The following PDE4D variants were observed in gnomAD, a reference collection of about 807,000 sequenced individuals.
PDE4D encodes the protein 3',5'-cyclic-AMP phosphodiesterase 4D.
PDE4D carries 24 observed loss-of-function variants against 87.4 expected under a neutral mutation model. The observed-to-expected ratio is 0.27, with a 90% CI of 0.20 to 0.39. The LOEUF (loss-of-function observed/expected upper bound fraction) is 0.39, where lower values mean the gene tolerates loss of function less well. Ranked by LOEUF, PDE4D falls within the 10% of genes least tolerant of loss-of-function variation. The probability of loss-of-function intolerance (pLI) is 1.00; values close to 1 mark genes in which losing one functional copy is unlikely to be tolerated. For missense variants in PDE4D, 714 were observed against 1,041.0 expected, an observed-to-expected ratio of 0.69 and a Z score of 4.32; for synonymous variants, 384 against 383.2, an observed-to-expected ratio of 1.00 and a Z score of -0.02.
chr5:60,409,631 C>T (rs1279512067), intron 1 of PDE4D, among the ~76,000 whole-genome samples: 1 of 152,110 alleles, frequency 6.6e-6, no homozygotes, highest in Non-Finnish European at 1.5e-5. Context: ...CCTTGCTTTT[C>T]AAATTTATAA....
chr5:59,962,198 C>T (rs988736104), intron 3 of PDE4D, among the ~76,000 whole-genome samples: 68 of 152,068 alleles, frequency 4.5e-4, no homozygotes, highest in African/African-American at 1.4e-3. Context: ...CAATTTTTTT[C>T]CAGATCATCT....
At chr5:59,941,007 G>C (rs1757120045) in intron 3 of PDE4D, among the ~76,000 whole-genome samples, 2 of 152,044 alleles carry the variant, frequency 1.3e-5, no homozygotes, top group Admixed American at 1.3e-4. Context: ...TCTTTGGTTG[G>C]AAAGTGGATA....
intron 5 of PDE4D, among the ~76,000 whole-genome samples, chr5:59,151,793 G>A (rs1169799923): frequency 6.6e-6 from 1 of 152,118 alleles, no homozygotes; most frequent in East Asian, 1.9e-4. Context: ...GAGGGAGCAT[G>A]ATGAAGGAAG....
intron 1 of PDE4D, among the ~76,000 whole-genome samples, chr5:59,477,992 G>A (rs930900979): frequency 6.6e-6 from 1 of 151,892 alleles, no homozygotes; most frequent in African/African-American, 2.4e-5. Context: ...GCTAAACACC[G>A]AGTACACATG....
chr5:60,003,086 T>C, intron 2 of PDE4D, among the ~76,000 whole-genome samples: 1 of 152,128 alleles, frequency 6.6e-6, no homozygotes, highest in East Asian at 1.9e-4. Flanking sequence ...ATACAGCAAC[T>C]AGTTGCACTT....
chr5:59,495,360 C>G (rs1366877246), intron 1 of PDE4D, among the ~76,000 whole-genome samples: 1 of 152,114 alleles, frequency 6.6e-6, no homozygotes, highest in Non-Finnish European at 1.5e-5. Context: ...ATTTATTACC[C>G]CCTGGCCCTG....
chr5:59,384,985 C>G (rs76496905), intron 1 of PDE4D, among the ~76,000 whole-genome samples: 1 of 152,084 alleles, frequency 6.6e-6, no homozygotes, highest in African/African-American at 2.4e-5. Context: ...TACGGCTCAA[C>G]TTCTGTTTTG....
chr5:60,401,237 C>A (rs1741053776), intron 1 of PDE4D, among the ~76,000 whole-genome samples: 1 of 152,132 alleles, frequency 6.6e-6, no homozygotes, highest in African/African-American at 2.4e-5. Flanking sequence ...GGAGACTGCA[C>A]AAAAAGCCGG....
intron 1 of PDE4D, among the ~76,000 whole-genome samples, chr5:59,325,026 C>T (rs560688269): frequency 6.6e-6 from 1 of 152,232 alleles, no homozygotes; most frequent in East Asian, 1.9e-4. Context: ...TAGAAGTCTT[C>T]TGATTTATTT....
intron 1 of PDE4D, among the ~76,000 whole-genome samples, chr5:59,609,352 C>G (rs1213027921): frequency 7.6e-6 from 1 of 131,712 alleles, no homozygotes; most frequent in Non-Finnish European, 1.6e-5. Flanking sequence ...ATGAGAAACA[C>G]GTATATCTCT....
chr5:59,247,927 T>C (rs1226993389), intron 1 of PDE4D, among the ~76,000 whole-genome samples: 1 of 151,092 alleles, frequency 6.6e-6, no homozygotes. Flanking sequence ...CAACATAGGC[T>C]TAAGATACTC....
chr5:59,441,095 G>C (rs1273304007), intron 1 of PDE4D, among the ~76,000 whole-genome samples: 1 of 152,100 alleles, frequency 6.6e-6, no homozygotes, highest in Non-Finnish European at 1.5e-5. Context: ...ACAAGCCTGA[G>C]TCTTATTTAT....
chr5:59,820,064 A>G (rs889246256), intron 1 of PDE4D, among the ~76,000 whole-genome samples: 1 of 152,208 alleles, frequency 6.6e-6, no homozygotes, highest in African/African-American at 2.4e-5. Context: ...GATGAAAACA[A>G]CAATATTTGC....
intron 1 of PDE4D, among the ~76,000 whole-genome samples, chr5:59,879,485 T>C (rs1366399730): frequency 2.0e-5 from 3 of 152,256 alleles, no homozygotes; most frequent in Non-Finnish European, 2.9e-5. Context: ...ATGGCAGTTA[T>C]ATTCTGTTAA....
chr5:59,267,501 G>T (rs1029568911), intron 1 of PDE4D, among the ~76,000 whole-genome samples: 1 of 152,014 alleles, frequency 6.6e-6, no homozygotes, highest in Non-Finnish European at 1.5e-5. Flanking sequence ...TATGTTTAAT[G>T]AAACATTTAT....
At chr5:59,853,085 A>G (rs1488371192) in intron 1 of PDE4D, among the ~76,000 whole-genome samples, 1 of 151,658 alleles carries the variant, frequency 6.6e-6, no homozygotes, top group African/African-American at 2.4e-5. Context: ...AAACAGCAGC[A>G]AAATAGAAGA....
chr5:59,851,676 G>A (rs1744688155), intron 1 of PDE4D, among the ~76,000 whole-genome samples: 1 of 151,984 alleles, frequency 6.6e-6, no homozygotes, highest in Admixed American at 6.6e-5. Context: ...TTTAAATCTG[G>A]GTTTAGAGGT....
chr5:59,657,360 AT>A (rs1009352283), intron 1 of PDE4D, among the ~76,000 whole-genome samples: 2 of 152,108 alleles, frequency 1.3e-5, no homozygotes, highest in South Asian at 2.1e-4. Flanking sequence ...AAGGCTTGTG[AT>A]TTTTTCCCCC....
Position 59,671,837 on chromosome 5 carries a change from A to T in PDE4D, c.455+221331T>A, listed in dbSNP as rs995320199. Among the ~76,000 whole-genome samples the T allele has an allele frequency of 8.6e-5, 13 of 151,962 alleles. No individual in the cohort carries two copies. In the South Asian group the frequency reaches 2.7e-3, roughly 32 times the overall value. ...AAAAAAAAAAAAAAGTAAAGAAATA[A>T]TTTTTTTCAAAGAAACCCTTTACAT... On this transcript the variant is annotated intron_variant, in intron 1 of 14. Transcript: ENST00000340635.
Sources: allele counts gnomAD v4.1 joint callset (sites outside exome capture counted in the v4.1 genomes callset), GRCh38; gene constraint gnomAD v4.1.1; transcripts MANE v1.5; gene names NCBI Gene and HGNC (gene_info 2026-07-23, HGNC 2026-07-21).